The following SYBU variants were observed in gnomAD, a reference collection of about 807,000 sequenced individuals.
SYBU encodes GOLSYN A protein.
A neutral mutation model predicts 35.9 loss-of-function variants in SYBU; 21 were observed. That is an observed-to-expected ratio of 0.58 (90% CI 0.41 to 0.84). SYBU has a LOEUF of 0.84. SYBU is among the 40% of genes least tolerant of loss of function. The pLI, the probability that SYBU is intolerant of heterozygous loss-of-function variation, is 0.00. For missense variants in SYBU, 768 were observed against 848.2 expected, an observed-to-expected ratio of 0.91 and a Z score of 1.17; for synonymous variants, 319 against 324.3, an observed-to-expected ratio of 0.98 and a Z score of 0.18.
chr8:109,588,684 A>C (rs1301971667), intron 3 of SYBU, among the ~76,000 whole-genome samples: 1 of 152,190 alleles, frequency 6.6e-6, no homozygotes, highest in Non-Finnish European at 1.5e-5. Context: ...AACTAAGAGA[A>C]AAGCTGGAGA....
chr8:109,642,078 G>C (rs1052834553), intron 2 of SYBU, among the ~76,000 whole-genome samples: 1 of 152,176 alleles, frequency 6.6e-6, no homozygotes, highest in Admixed American at 6.5e-5. Context: ...TGATAGACTG[G>C]ATAAAGAAAA....
At position 109,585,250 on chromosome 8, in the gene SYBU, T is replaced by C. The variant is rs79920884; in HGVS notation, c.530+810A>G. On this transcript the variant is annotated intron_variant, in intron 4 of 6. Coordinates refer to ENST00000276646, the MANE Select transcript of SYBU (RefSeq NM_001099754.2). Reference sequence around the variant, plus strand: ...TACAGTCCCTCCCACTGAATGTGCATAGTGGCTCCCATGTCTCATAGTCCT... The same window carrying C: ...TACAGTCCCTCCCACTGAATGTGCACAGTGGCTCCCATGTCTCATAGTCCT... Among the ~76,000 whole-genome samples, 1,019 of 152,282 alleles carry C rather than the reference T, an allele frequency of 6.7e-3. 5 individuals are homozygous for C. Among genetic ancestry groups the C allele is most frequent in the African/African-American group, 0.023 (969 of 41,544 alleles).
intron 1 of SYBU, among the ~76,000 whole-genome samples, chr8:109,659,876 G>A (rs1213985082): frequency 6.6e-6 from 1 of 152,134 alleles, no homozygotes; most frequent in Admixed American, 6.5e-5. Flanking sequence ...GCTTAAGGCA[G>A]TTTTTTTAAT....
chr8:109,591,046 A>T (rs1824181417), intron 3 of SYBU, among the ~76,000 whole-genome samples: 1 of 152,224 alleles, frequency 6.6e-6, no homozygotes, highest in Non-Finnish European at 1.5e-5. Flanking sequence ...TATTCTGCAC[A>T]TAAGGATCCA....
intron 5 of SYBU, among the ~76,000 whole-genome samples, chr8:109,578,679 C>T (rs188282237): frequency 6.6e-6 from 1 of 152,272 alleles, no homozygotes; most frequent in East Asian, 1.9e-4. Context: ...GCACCATTGT[C>T]CAGGTGCCTG....
intron 1 of SYBU, among the ~76,000 whole-genome samples, chr8:109,659,386 T>G (rs73321052): frequency 0.011 from 1,727 of 152,318 alleles, 20 homozygotes; most frequent in African/African-American, 0.039. Flanking sequence ...AAACTTCTAT[T>G]CATGATGATC....
chr8:109,601,470 G>C (rs1001663725), intron 3 of SYBU, among the ~76,000 whole-genome samples: 10 of 152,112 alleles, frequency 6.6e-5, no homozygotes, highest in African/African-American at 2.4e-4. Context: ...CAATGCTCAA[G>C]GGTTTCCTAG....
Position 109,575,507 on chromosome 8 carries a change from C to T in SYBU, c.1391G>A (p.Gly464Glu), listed in dbSNP as rs751117748. 6 of 1,614,108 alleles carry T rather than the reference C, an allele frequency of 3.7e-6. No homozygotes were observed. The change falls in exon 7 of 7, where the codon GGG becomes GAG. Residue 464 changes from glycine to glutamate, a missense_variant. By Grantham distance (98) the Gly-to-Glu change is moderately conservative. Transcript: ENST00000276646. ...GDLELVHSTP[G>E]ANVLELLPIV... ...GGGCAGCAGCTCCAGGACGTTAGCCCCAGGGGTGGAATGCACAAGCTCCAG... is the reference window on the plus strand; with the variant it reads ...GGGCAGCAGCTCCAGGACGTTAGCCTCAGGGGTGGAATGCACAAGCTCCAG...
chr8:109,644,146 C>G (rs150117041), intron 1 of SYBU: 6 of 458,992 alleles, frequency 1.3e-5, no homozygotes, highest in African/African-American at 1.2e-4. Flanking sequence ...TCGGAGGGCC[C>G]TCAGGCATCC....
intron 2 of SYBU, among the ~76,000 whole-genome samples, chr8:109,628,884 G>A (rs1050949313): frequency 6.6e-6 from 1 of 152,102 alleles, no homozygotes; most frequent in African/African-American, 2.4e-5. Context: ...ATGTAGACTA[G>A]GTGGGAGGTG....
At chr8:109,650,370 G>A (rs1318291627) in intron 1 of SYBU, among the ~76,000 whole-genome samples, 1 of 152,118 alleles carries the variant, frequency 6.6e-6, no homozygotes, top group Admixed American at 6.5e-5. Flanking sequence ...TTTCTGCTGA[G>A]AAAATGAGAG....
At chr8:109,579,776 T>C (rs762260093) in intron 5 of SYBU, 23 bp downstream of exon 5, 3 of 1,603,674 alleles carry the variant, frequency 1.9e-6, no homozygotes, top group South Asian at 1.1e-5. Context: ...CTAAGATGCA[T>C]GAATTAGGTG....
intron 2 of SYBU, among the ~76,000 whole-genome samples, chr8:109,630,813 A>G (rs1331227030): frequency 2.6e-5 from 4 of 152,164 alleles, no homozygotes; most frequent in African/African-American, 9.7e-5. Context: ...CCTGGGGCCC[A>G]GGGGGGATGT....
chr8:109,669,365 A>G (rs1271277828), intron 1 of SYBU, among the ~76,000 whole-genome samples: 11 of 149,524 alleles, frequency 7.4e-5, no homozygotes, highest in Non-Finnish European at 1.5e-4. Context: ...AAAAAAAAAA[A>G]AAACAACTGA....
chr8:109,613,455 A>G (rs1341177294), intron 3 of SYBU, among the ~76,000 whole-genome samples: 2 of 152,216 alleles, frequency 1.3e-5, no homozygotes, highest in Non-Finnish European at 2.9e-5. Context: ...GCTAGAGATC[A>G]CACAGCTACA....
In SYBU at chr8:109,649,961, G is replaced by A. The variant is rs535824408; in HGVS notation, c.-129+30750C>T. On this transcript the variant is annotated intron_variant, in intron 1 of 5. Coordinates refer to the SYBU transcript ENST00000408889. ...TCACAGGTGTACAGAAAAGGCAAAGGATGTTATCTGTAAGACATGAAAAGG... is the reference window on the plus strand; with the variant it reads ...TCACAGGTGTACAGAAAAGGCAAAGAATGTTATCTGTAAGACATGAAAAGG... Among the ~76,000 whole-genome samples the A allele has an allele frequency of 2.0e-5, 3 of 152,318 alleles. No individual in the cohort carries two copies. The East Asian group carries it at 5.8e-4, about 29-fold the overall frequency.
chr8:109,594,216 G>A (rs1250388772), intron 3 of SYBU, among the ~76,000 whole-genome samples: 2 of 152,156 alleles, frequency 1.3e-5, no homozygotes, highest in Admixed American at 6.5e-5. Flanking sequence ...GGAGGAAGGA[G>A]GTGATGAAGG....
upstream of SYBU, among the ~76,000 whole-genome samples, chr8:109,683,638 G>A (rs1290168978): frequency 6.6e-6 from 1 of 152,124 alleles, no homozygotes; most frequent in African/African-American, 2.4e-5. Context: ...TGTTGGAAAG[G>A]CATGATTGTG....
At position 109,580,001 on chromosome 8, in the gene SYBU, G is replaced by T. The variant is rs779117658; in HGVS notation, c.532C>A (p.Arg178=). The change falls in exon 5 of 7, where the codon CGA becomes AGA. Residue 178 remains arginine, a splice_region_variant and synonymous_variant. Coordinates refer to ENST00000276646, the MANE Select transcript of SYBU (RefSeq NM_001099754.2). ...CCATTACTCCGCCCATGAGGACCTC[G>T]ACTGGGAGAAAAGAATGAAAAATGT... ...GSKRSSSSRN[R]GPHGRSNGAS... is the part of the protein sequence containing the mutation. 1.2e-6 allele frequency: 2 copies of T among 1,612,190 alleles called. No individual in the cohort carries two copies. The highest frequency in any genetic ancestry group is 1.7e-6 in the Non-Finnish European group (2 of 1,179,638).
Sources: allele counts gnomAD v4.1 joint callset (sites outside exome capture counted in the v4.1 genomes callset), GRCh38; gene constraint gnomAD v4.1.1; transcripts MANE v1.5; gene names NCBI Gene and HGNC (gene_info 2026-07-23, HGNC 2026-07-21).